Variants in CTNNA3 observed in about 807,000 individuals in gnomAD.
CTNNA3 encodes the protein catenin alpha 3, also known as catenin alpha-3.
In CTNNA3, 76 loss-of-function variants were observed where a neutral mutation model predicts 95.7. The observed-to-expected ratio is 0.79, with a 90% CI of 0.66 to 0.96. The LOEUF (loss-of-function observed/expected upper bound fraction) is 0.96. CTNNA3 is among the 40% of genes least tolerant of loss of function. The pLI, the probability that CTNNA3 is intolerant of heterozygous loss-of-function variation, is 0.00. For missense variants in CTNNA3, 1,191 were observed against 1,089.8 expected, an observed-to-expected ratio of 1.09 and a Z score of -1.31; for synonymous variants, 431 against 374.4, an observed-to-expected ratio of 1.15 and a Z score of -1.74.
intron 15 of CTNNA3, among the ~76,000 whole-genome samples, chr10:66,007,752 C>T (rs12254598): frequency 0.025 from 619 of 25,252 alleles, 10 homozygotes; most frequent in African/African-American, 0.05. Flanking sequence ...CTTCCTTTCC[C>T]CCTCCCTCCC....
intron 3 of CTNNA3, among the ~76,000 whole-genome samples, chr10:67,581,810 T>A (rs1311309388): frequency 6.6e-6 from 1 of 152,210 alleles, no homozygotes; most frequent in Non-Finnish European, 1.5e-5. Context: ...GTCCAGGAAT[T>A]TATCCATTTC....
intron 7 of CTNNA3, among the ~76,000 whole-genome samples, chr10:67,138,843 T>C (rs1860413780): frequency 6.6e-6 from 1 of 152,182 alleles, no homozygotes; most frequent in Admixed American, 6.5e-5. Context: ...CTAGAGATTT[T>C]ACAGAAATTA....
chr10:67,165,784 G>T (rs1349503955), intron 7 of CTNNA3, among the ~76,000 whole-genome samples: 1 of 152,148 alleles, frequency 6.6e-6, no homozygotes, highest in Non-Finnish European at 1.5e-5. Flanking sequence ...AGTAGATTCA[G>T]TCAGTTTTAT....
intron 5 of CTNNA3, among the ~76,000 whole-genome samples, chr10:67,282,955 A>G (rs1387004657): frequency 6.6e-6 from 1 of 152,198 alleles, no homozygotes; most frequent in African/African-American, 2.4e-5. Context: ...CAGCCTTAGA[A>G]ACCTAAAAAT....
intron 13 of CTNNA3, among the ~76,000 whole-genome samples, chr10:66,123,155 G>A (rs1589467384): frequency 6.6e-6 from 1 of 152,252 alleles, no homozygotes; most frequent in Middle Eastern, 3.4e-3. Flanking sequence ...TTATGATCCT[G>A]TAAAATCAAA....
At chr10:67,654,673 A>T (rs893714936) in intron 1 of CTNNA3, among the ~76,000 whole-genome samples, 1 of 152,072 alleles carries the variant, frequency 6.6e-6, no homozygotes, top group Non-Finnish European at 1.5e-5. Context: ...TTCTAAGAGA[A>T]GGTTTCTTAA....
At chr10:66,655,467 A>C (rs2132426561) in intron 9 of CTNNA3, among the ~76,000 whole-genome samples, 1 of 152,212 alleles carries the variant, frequency 6.6e-6, no homozygotes, top group South Asian at 2.1e-4. Context: ...AATTATTAAA[A>C]TACAACAAGG....
At chr10:66,595,417 C>T (rs1447541579) in intron 10 of CTNNA3, among the ~76,000 whole-genome samples, 1 of 151,984 alleles carries the variant, frequency 6.6e-6, no homozygotes, top group African/African-American at 2.4e-5. Flanking sequence ...GTTCTTGGCT[C>T]ACTGCAGCCT....
At chr10:67,026,006 G>C (rs909659687) in intron 7 of CTNNA3, among the ~76,000 whole-genome samples, 1 of 150,602 alleles carries the variant, frequency 6.6e-6, no homozygotes, top group Non-Finnish European at 1.5e-5. Context: ...ACTATCGCAA[G>C]GACAAAAAAC....
At chr10:66,020,928 C>T (rs1431447021) in intron 15 of CTNNA3, among the ~76,000 whole-genome samples, 5 of 152,084 alleles carry the variant, frequency 3.3e-5, no homozygotes, top group Admixed American at 3.3e-4. Context: ...CCTCCTTGGC[C>T]TCCCAAATTG....
chr10:67,472,415 C>A (rs1000055158), intron 5 of CTNNA3, among the ~76,000 whole-genome samples: 1 of 152,162 alleles, frequency 6.6e-6, no homozygotes, highest in Non-Finnish European at 1.5e-5. Context: ...CTGGCCAAAA[C>A]CAGCTAGAAC....
chr10:65,998,260 T>C (rs1179075682), intron 15 of CTNNA3, among the ~76,000 whole-genome samples: 1 of 152,238 alleles, frequency 6.6e-6, no homozygotes, highest in Non-Finnish European at 1.5e-5. Context: ...TTTGACACAT[T>C]ACTGTGAAAG....
At chr10:66,721,736 C>G (rs1848634074) in intron 9 of CTNNA3, among the ~76,000 whole-genome samples, 1 of 152,208 alleles carries the variant, frequency 6.6e-6, no homozygotes, top group Admixed American at 6.5e-5. Flanking sequence ...GAGGGCTCTT[C>G]ATCGCTACTG....
intron 5 of CTNNA3, among the ~76,000 whole-genome samples, chr10:67,404,960 C>G: frequency 6.6e-6 from 1 of 152,108 alleles, no homozygotes; most frequent in East Asian, 1.9e-4. Flanking sequence ...TCTAGCCAAA[C>G]TAAGCTTCAT....
rs373176164 is a variant in CTNNA3 at position 66,442,877 on chromosome 10, C to T, written c.1532-63525G>A. On this transcript the variant is annotated intron_variant, in intron 11 of 17. Coordinates refer to ENST00000433211, the MANE Select transcript of CTNNA3 (RefSeq NM_013266.4). ...GTGAGGCACTGCCTCACTCGGGAAG[C>T]GCAAGGGGTCAGGGGGTTCCCTTTC... Among the ~76,000 whole-genome samples, 106 of 152,280 alleles carry T rather than the reference C, an allele frequency of 7.0e-4. 1 individual carries two copies. The highest frequency in any genetic ancestry group is 1.9e-3 in the South Asian group (9 of 4,828).
At chr10:67,011,503 G>A (rs1852336180) in intron 7 of CTNNA3, among the ~76,000 whole-genome samples, 1 of 152,066 alleles carries the variant, frequency 6.6e-6, no homozygotes, top group Non-Finnish European at 1.5e-5. Flanking sequence ...TTGTCTTTCT[G>A]GAGTTAAACT....
chr10:67,320,090 C>A (rs998856415), intron 5 of CTNNA3, among the ~76,000 whole-genome samples: 1 of 151,988 alleles, frequency 6.6e-6, no homozygotes, highest in Non-Finnish European at 1.5e-5. Flanking sequence ...TACACATGAG[C>A]CCTTGATGGA....
chr10:66,770,661 G>A (rs1209291026), intron 8 of CTNNA3, among the ~76,000 whole-genome samples: 1 of 151,972 alleles, frequency 6.6e-6, no homozygotes, highest in Non-Finnish European at 1.5e-5. Flanking sequence ...CAAAGTGAAA[G>A]CCCTATGTGA....
intron 7 of CTNNA3, among the ~76,000 whole-genome samples, chr10:66,835,351 A>G (rs537575642): frequency 6.6e-6 from 1 of 152,178 alleles, no homozygotes; most frequent in Non-Finnish European, 1.5e-5. Flanking sequence ...TCACCTGGGA[A>G]CTTGTTTAGA....
Sources: gnomAD v4.1 joint callset for allele counts (sites outside exome capture counted in the v4.1 genomes callset) on GRCh38, gnomAD v4.1.1 for gene constraint, MANE v1.5 for transcripts, NCBI Gene and HGNC (gene_info 2026-07-23, HGNC 2026-07-21) for gene names.